SLC4A10: variants seen among roughly 807,000 people sequenced by gnomAD.
The protein encoded by SLC4A10 is sodium-driven chloride bicarbonate exchanger.
SLC4A10 carries 42 observed loss-of-function variants against 137.7 expected under a neutral mutation model. The ratio of observed to expected loss-of-function variants is 0.30; its 90% CI spans 0.24 to 0.39. SLC4A10 has a LOEUF of 0.39. SLC4A10 is among the 10% of genes least tolerant of loss of function. SLC4A10 has a pLI of 1.00. For missense variants in SLC4A10, 925 were observed against 1,355.0 expected, an observed-to-expected ratio of 0.68 and a Z score of 4.98; for synonymous variants, 474 against 464.1, an observed-to-expected ratio of 1.02 and a Z score of -0.27.
chr2:161,870,537 G>T (rs1423231152), intron 6 of SLC4A10, among the ~76,000 whole-genome samples: 1 of 151,796 alleles, frequency 6.6e-6, no homozygotes, highest in Non-Finnish European at 1.5e-5. Flanking sequence ...AATAAATTTA[G>T]TTTTAAATAT....
At chr2:161,666,453 T>C (rs2039059693) in intron 1 of SLC4A10, among the ~76,000 whole-genome samples, 1 of 151,654 alleles carries the variant, frequency 6.6e-6, no homozygotes, top group Non-Finnish European at 1.5e-5. Flanking sequence ...GCCAAGGTAT[T>C]AGCACAAAGC....
At position 161,817,799 on chromosome 2, in the gene SLC4A10, G is replaced by A. The variant is rs1410386207; in HGVS notation, c.277+13204G>A. 6.6e-5 allele frequency among the ~76,000 whole-genome samples: 10 copies of A among 152,092 alleles called. No homozygotes were observed. The East Asian group carries it at 1.7e-3, about 26-fold the overall frequency. On this transcript the variant is annotated intron_variant, in intron 3 of 26. Coordinates refer to ENST00000446997, the MANE Select transcript of SLC4A10 (RefSeq NM_001178015.2). ...AAGATCAGATAGTTGTAGATATGCG[G>A]CATTATTTCTGAGGGCTCTGTTCTG...
chr2:161,801,974 G>T (rs1035808294), intron 2 of SLC4A10, among the ~76,000 whole-genome samples: 2 of 151,914 alleles, frequency 1.3e-5, no homozygotes, highest in Admixed American at 6.6e-5. Context: ...ACTTAATATT[G>T]TGGTCAATAA....
At chr2:161,648,425 G>T (rs1466178550) in intron 1 of SLC4A10, among the ~76,000 whole-genome samples, 1 of 152,154 alleles carries the variant, frequency 6.6e-6, no homozygotes, top group Non-Finnish European at 1.5e-5. Flanking sequence ...TGCTTGCTTG[G>T]TAAGAACTTT....
chr2:161,747,870 AT>A (rs2048543453), intron 1 of SLC4A10, among the ~76,000 whole-genome samples: 1 of 152,152 alleles, frequency 6.6e-6, no homozygotes, highest in African/African-American at 2.4e-5. Flanking sequence ...GAAAAGCTCC[AT>A]ACTGTTTTCC....
chr2:161,777,923 A>AGTT (rs2052562284), intron 2 of SLC4A10, among the ~76,000 whole-genome samples: 1 of 151,976 alleles, frequency 6.6e-6, no homozygotes, highest in East Asian at 1.9e-4. Context: ...GGATGCCAAC[A>AGTT]GTTTTACTCA....
At chr2:161,826,380 A>G (rs899772522) in intron 3 of SLC4A10, among the ~76,000 whole-genome samples, 3 of 152,214 alleles carry the variant, frequency 2.0e-5, no homozygotes, top group African/African-American at 7.2e-5. Context: ...AGGCTTGTGT[A>G]CTTCATGACA....
At chr2:161,810,873 T>C (rs912187921) in intron 3 of SLC4A10, among the ~76,000 whole-genome samples, 3 of 152,026 alleles carry the variant, frequency 2.0e-5, no homozygotes, top group Non-Finnish European at 4.4e-5. Flanking sequence ...GATGATGACT[T>C]TGTATAATAT....
At chr2:161,875,124 CTAAG>C (rs978908636) in intron 8 of SLC4A10, among the ~76,000 whole-genome samples, 2 of 152,086 alleles carry the variant, frequency 1.3e-5, no homozygotes, top group African/African-American at 4.8e-5. Flanking sequence ...TTAAAAAAGA[CTAAG>C]TAAGATTTTT....
At chr2:161,815,576 C>T (rs1055630602) in intron 3 of SLC4A10, among the ~76,000 whole-genome samples, 3 of 152,002 alleles carry the variant, frequency 2.0e-5, no homozygotes, top group Admixed American at 1.3e-4. Context: ...TAAAATTTGA[C>T]GACAAGCGAT....
chr2:161,704,979 A>C (rs377037641), intron 1 of SLC4A10, among the ~76,000 whole-genome samples: 99 of 151,780 alleles, frequency 6.5e-4, no homozygotes, highest in African/African-American at 2.3e-3. Context: ...ACTAATTTAC[A>C]CTTTTTAAAG....
At chr2:161,876,051 C>G (rs183032466) in intron 8 of SLC4A10, among the ~76,000 whole-genome samples, 1 of 152,100 alleles carries the variant, frequency 6.6e-6, no homozygotes, top group African/African-American at 2.4e-5. Flanking sequence ...TCCTTGTTCC[C>G]TAGAAATGTA....
At chr2:161,847,061 A>AC (rs898384823) in intron 4 of SLC4A10, among the ~76,000 whole-genome samples, 24 of 144,506 alleles carry the variant, frequency 1.7e-4, no homozygotes, top group Admixed American at 5.0e-4. Flanking sequence ...ACATAGTGAG[A>AC]CCCCCATCTC....
Position 161,762,757 on chromosome 2 carries a change from T to C in SLC4A10, c.49-8216T>C, listed in dbSNP as rs539914476. Among the ~76,000 whole-genome samples, 4 of 152,186 alleles carry C rather than the reference T, an allele frequency of 2.6e-5. No homozygotes were observed. The East Asian group carries it at 7.7e-4, about 29-fold the overall frequency. The stretch of plus-strand genomic sequence containing the variant: ...ATGTTACAAGTTTGGAAAATTCATG[T>C]TTTAACATAGTGAAATGAGTAAAAT... On this transcript the variant is annotated intron_variant, in intron 1 of 26. Coordinates refer to ENST00000446997, the MANE Select transcript of SLC4A10 (RefSeq NM_001178015.2).
At chr2:161,909,460 A>G (rs1053329186) in intron 15 of SLC4A10, among the ~76,000 whole-genome samples, 1 of 152,152 alleles carries the variant, frequency 6.6e-6, no homozygotes, top group African/African-American at 2.4e-5. Context: ...AATAGAAGGG[A>G]TGGAACGACT....
intron 23 of SLC4A10, among the ~76,000 whole-genome samples, chr2:161,973,529 AT>A (rs1327756040): frequency 6.6e-6 from 1 of 152,196 alleles, no homozygotes; most frequent in African/African-American, 2.4e-5. Flanking sequence ...ATAAGAAGAA[AT>A]TTGAAGCATA....
rs1460110499 is a variant in SLC4A10, at chr2:161,936,313, ACTTCT to A, written c.1998-6473_1998-6469del. Among the ~76,000 whole-genome samples, 2 of 151,834 alleles carry A rather than the reference ACTTCT, an allele frequency of 1.3e-5. 1 individual carries two copies. The highest frequency in any genetic ancestry group is 4.1e-4 in the South Asian group (2 of 4,832). On this transcript the variant is annotated intron_variant, in intron 15 of 26. Coordinates refer to ENST00000446997, the MANE Select transcript of SLC4A10 (RefSeq NM_001178015.2). ...TTCCTCATAAAATGAGTTTGGATGT[ACTTCT>A]CTTCTTCAATTTTTTGAAAGAGTTT...
At chr2:161,969,488 C>T (rs532933548) in intron 23 of SLC4A10, among the ~76,000 whole-genome samples, 73 of 152,254 alleles carry the variant, frequency 4.8e-4, no homozygotes, top group Admixed American at 1.8e-3. Context: ...TACCAACATG[C>T]CTTCCTTCCT....
chr2:161,864,133 C>A (rs2060596338), intron 6 of SLC4A10, among the ~76,000 whole-genome samples: 1 of 151,744 alleles, frequency 6.6e-6, no homozygotes, highest in South Asian at 2.1e-4. Context: ...ACCTGGGTGG[C>A]GGAGATTGCA....
Sources: gnomAD v4.1 joint callset for allele counts (sites outside exome capture counted in the v4.1 genomes callset) on GRCh38, gnomAD v4.1.1 for gene constraint, MANE v1.5 for transcripts, NCBI Gene and HGNC (gene_info 2026-07-23, HGNC 2026-07-21) for gene names.